CAGE1: variants seen among roughly 807,000 people sequenced by gnomAD.
CAGE1 encodes the protein cancer-associated gene 1 protein.
A neutral mutation model predicts 94.9 loss-of-function variants in CAGE1; 66 were observed. The observed-to-expected ratio is 0.70, with a 90% CI of 0.57 to 0.85. The LOEUF is 0.85. CAGE1 is among the 40% of genes least tolerant of loss of function. CAGE1 has a pLI of 0.00. For missense variants in CAGE1, 865 were observed against 950.4 expected (o/e 0.91, Z 1.18); for synonymous variants, 319 against 321.0 (o/e 0.99, Z 0.07).
chr6:7,345,901 G>A (rs1759499980), intron 11 of CAGE1, among the ~76,000 whole-genome samples: 1 of 152,114 alleles, frequency 6.6e-6, no homozygotes, highest in Non-Finnish European at 1.5e-5. Flanking sequence ...CTCCAGCCTG[G>A]GTGACAGAAC....
At chr6:7,332,470 T>C (rs1373637630) in intron 12 of CAGE1, among the ~76,000 whole-genome samples, 1 of 152,202 alleles carries the variant, frequency 6.6e-6, no homozygotes, top group Admixed American at 6.5e-5. Context: ...AACTGCATGG[T>C]TCTTAAGGGA....
chr6:7,345,148 GGTCCATATTGCTTTTAGGAGCTA>G (rs1759401000), intron 11 of CAGE1, among the ~76,000 whole-genome samples: 1 of 42,550 alleles, frequency 2.4e-5, no homozygotes, highest in East Asian at 8.2e-4. Context: ...TTAGGAGCTA[GGTCCATATTGCTTTTAGGAGCTA>G]TGACACTCCT....
chr6:7,389,700 AG>A lies in CAGE1; in HGVS notation c.-523del. ...ACTCAACACGCCTTCCTGAGAGCAC[AG>A]AACATCCACAGCCCTATACAGCGCG... On this transcript the variant is annotated 5_prime_UTR_variant, in exon 1 of 14. It removes the in-frame stop codon of an upstream open reading frame in the 5' UTR. Coordinates refer to ENST00000502583, the MANE Select transcript of CAGE1 (RefSeq NM_001170692.2). 2 of 492,880 alleles carry A rather than the reference AG, an allele frequency of 4.1e-6. No homozygotes were observed. The highest frequency in any genetic ancestry group is 7.4e-6 in the Non-Finnish European group (2 of 271,348). 30.5% of individuals were successfully genotyped at this position (492,880 alleles called of 1,614,324 possible). A position where few individuals can be genotyped will look rare whatever the true frequency, so the allele number is the denominator to read the frequency against.
intron 11 of CAGE1, among the ~76,000 whole-genome samples, chr6:7,336,666 T>C (rs1451193128): frequency 1.3e-5 from 2 of 152,122 alleles, no homozygotes; most frequent in Non-Finnish European, 2.9e-5. Flanking sequence ...TGCGCCACCA[T>C]GCTTGGCTAA....
In CAGE1 at chr6:7,373,103, T is replaced by A. The variant is rs753751154; in HGVS notation, c.1716A>T (p.Leu572Phe). ...TAATATCTGACTTCAAGACTTCCTC[T>A]AATTGATCCTTTAACTGAGCTGTCT... is the stretch of plus-strand genomic sequence containing the variant. ...KFETAQLKDQLEEVLKSDITK... is the reference protein window; with the variant it reads ...KFETAQLKDQFEEVLKSDITK... Residue 572 changes from leucine (L) to phenylalanine (F), a missense_variant, in exon 5 of 14, where the codon TTA (leucine) becomes TTT (phenylalanine). Physicochemically the swap from Leu to Phe is conservative, Grantham distance 22 (BLOSUM62 0). Transcript: ENST00000502583. The A allele has an allele frequency of 5.0e-6, 8 of 1,609,018 alleles. No homozygotes were observed. The highest frequency in any genetic ancestry group is 5.9e-6 in the Non-Finnish European group (7 of 1,178,100).
chr6:7,366,270 C>T (rs549338887), intron 7 of CAGE1, among the ~76,000 whole-genome samples: 3 of 148,976 alleles, frequency 2.0e-5, no homozygotes, highest in South Asian at 4.2e-4. Flanking sequence ...AAAAATCAAA[C>T]CATGCAGTCT....
At chr6:7,344,881 T>G (rs9766389) in intron 11 of CAGE1, among the ~76,000 whole-genome samples, 41 of 152,306 alleles carry the variant, frequency 2.7e-4, no homozygotes, top group African/African-American at 9.6e-4. Flanking sequence ...GTCGACACTC[T>G]GTATCTAGCT....
chr6:7,333,754 C>T lies in CAGE1; in HGVS notation c.2438+268G>A, dbSNP rs372501346. 5.8e-4 allele frequency among the ~76,000 whole-genome samples: 84 copies of T among 144,730 alleles called. 1 individual carries two copies. The highest frequency in any genetic ancestry group is 2.0e-3 in the African/African-American group (76 of 37,944). The allele number at this position is 144,730 out of a possible 152,430, so 94.9% of individuals were successfully genotyped here. ...CACGATCTCGGCTCACTGCAACCTC[C>T]GCCTCCCAGGTTCAAGCGATCCTCC... is the stretch of plus-strand genomic sequence containing the variant. On this transcript the variant is annotated intron_variant, in intron 12 of 13. Transcript: ENST00000502583.
intron 6 of CAGE1, among the ~76,000 whole-genome samples, chr6:7,369,071 C>T (rs371932029): frequency 8.7e-5 from 13 of 149,970 alleles, no homozygotes; most frequent in Middle Eastern, 3.4e-3. Flanking sequence ...TGCAGTGGCG[C>T]GATCTCTGCT....
intron 5 of CAGE1, among the ~76,000 whole-genome samples, chr6:7,371,191 C>T (rs1458478486): frequency 2.6e-5 from 4 of 152,082 alleles, no homozygotes; most frequent in Non-Finnish European, 5.9e-5. Context: ...GTTCTCAGGC[C>T]CCACCCCAGA....
chr6:7,381,554 A>G (rs1760932236), intron 3 of CAGE1, among the ~76,000 whole-genome samples: 1 of 144,800 alleles, frequency 6.9e-6, no homozygotes, highest in South Asian at 2.2e-4. Context: ...TTTTTTTGAG[A>G]CAGAGTCTCT....
chr6:7,386,909 A>T, intron 2 of CAGE1, 70 bp downstream of exon 2: 1 of 1,074,750 alleles, frequency 9.3e-7, no homozygotes, highest in Non-Finnish European at 1.4e-6. Context: ...TTTTGAAGAA[A>T]TTTTCATATG....
chr6:7,345,893 C>G (rs1352142586), intron 11 of CAGE1, among the ~76,000 whole-genome samples: 1 of 152,254 alleles, frequency 6.6e-6, no homozygotes, highest in African/African-American at 2.4e-5. Context: ...CCACTGCACT[C>G]CAGCCTGGGT....
intron 7 of CAGE1, among the ~76,000 whole-genome samples, chr6:7,367,229 GA>G: frequency 7.1e-6 from 1 of 140,798 alleles, no homozygotes; most frequent in South Asian, 2.3e-4. Context: ...TAATTACACA[GA>G]AAAAATTAAC....
At chr6:7,329,294 T>G in intron 13 of CAGE1, 1 of 377,784 alleles carries the variant, frequency 2.6e-6, no homozygotes, top group East Asian at 3.8e-5. Flanking sequence ...AAAAATCGCT[T>G]GCTTAGAAAG....
In CAGE1 at chr6:7,373,589, A is replaced by C; in HGVS notation, c.1230T>G (p.Phe410Leu). Residue 410 changes from phenylalanine (F) to leucine (L), a missense_variant, in exon 5 of 14, where the codon TTT becomes TTG. Physicochemically the swap from Phe to Leu is conservative, Grantham distance 22. Transcript: ENST00000502583. ...RNDKEMLQLQ[F>L]KKIKANYVCL... Reference sequence around the variant, plus strand: ...ACACATAATTAGCCTTGATCTTCTTAAATTGAAGCTGTAACATTTCCTTGT... The same window carrying C: ...ACACATAATTAGCCTTGATCTTCTTCAATTGAAGCTGTAACATTTCCTTGT... The C allele has an allele frequency of 6.2e-7, 1 of 1,613,444 alleles. No individual in the cohort carries two copies. Among genetic ancestry groups the C allele is most frequent in the East Asian group, 2.2e-5 (1 of 44,856 alleles).
intron 11 of CAGE1, among the ~76,000 whole-genome samples, chr6:7,351,225 T>C (rs1440865181): frequency 6.6e-6 from 1 of 151,792 alleles, no homozygotes; most frequent in Admixed American, 6.6e-5. Context: ...CCTGGAAAAA[T>C]ACAACCTTCC....
At chr6:7,328,669 A>AT (rs968435795) in intron 13 of CAGE1, among the ~76,000 whole-genome samples, 86 of 152,226 alleles carry the variant, frequency 5.6e-4, no homozygotes, top group Non-Finnish European at 7.9e-4. Flanking sequence ...GATAGAAGGA[A>AT]TAAGTCCCAG....
intron 12 of CAGE1, among the ~76,000 whole-genome samples, chr6:7,330,127 C>G (rs113092033): frequency 6.6e-6 from 1 of 152,220 alleles, no homozygotes; most frequent in South Asian, 2.1e-4. Context: ...GTGGCTCACA[C>G]CTGTAATCCC....
Sources: gnomAD v4.1 joint callset for allele counts (sites outside exome capture counted in the v4.1 genomes callset) on GRCh38, gnomAD v4.1.1 for gene constraint, MANE v1.5 for transcripts, NCBI Gene and HGNC (gene_info 2026-07-23, HGNC 2026-07-21) for gene names.